The following N4BP2L2 variants were observed in gnomAD, a reference collection of about 807,000 sequenced individuals.
N4BP2L2 encodes NEDD4-binding protein 2-like 2.
A neutral mutation model predicts 56.2 loss-of-function variants in N4BP2L2; 50 were observed. The ratio of observed to expected loss-of-function variants is 0.89; its 90% CI spans 0.71 to 1.13. The LOEUF is 1.13. N4BP2L2 is among the 50% of genes most tolerant of loss of function. The pLI is 0.00. For missense variants in N4BP2L2, 689 were observed against 693.8 expected (o/e 0.99, Z 0.08); for synonymous variants, 203 against 223.6 (o/e 0.91, Z 0.82).
At chr13:32,495,671 C>A (rs1361329253) in intron 6 of N4BP2L2, among the ~76,000 whole-genome samples, 1 of 152,084 alleles carries the variant, frequency 6.6e-6, no homozygotes, top group African/African-American at 2.4e-5. Flanking sequence ...GGCACCTCAT[C>A]AGGCAAATGC....
chr13:32,459,788 T>G (rs2079674760), intron 6 of N4BP2L2, among the ~76,000 whole-genome samples: 1 of 152,114 alleles, frequency 6.6e-6, no homozygotes, highest in East Asian at 1.9e-4. Flanking sequence ...AGGAGGGAAT[T>G]GTCCTTACCT....
chr13:32,505,395 T>C (rs2090770732), downstream of N4BP2L2: 1 of 152,190 alleles, frequency 6.6e-6, no homozygotes, highest in South Asian at 2.1e-4. Context: ...TAGGAAATGG[T>C]TGTCTTGCAA....
intron 2 of N4BP2L2, among the ~76,000 whole-genome samples, chr13:32,534,025 G>A (rs1184479014): frequency 3.3e-5 from 5 of 152,086 alleles, no homozygotes; most frequent in Admixed American, 2.0e-4. Flanking sequence ...TAATTTTATT[G>A]CTAGTTTGAG....
At chr13:32,460,978 T>C (rs1476200571) in intron 6 of N4BP2L2, among the ~76,000 whole-genome samples, 2 of 152,170 alleles carry the variant, frequency 1.3e-5, no homozygotes, top group African/African-American at 4.8e-5. Context: ...AGCCAAATGA[T>C]TTTTGACAAT....
chr13:32,535,950 A>G, exon 2 of N4BP2L2: 17 of 1,614,062 alleles, frequency 1.1e-5, no homozygotes, highest in Non-Finnish European at 1.4e-5. Context: ...TTACTCACAT[A>G]TCGATCTTGC....
intron 6 of N4BP2L2, among the ~76,000 whole-genome samples, chr13:32,455,252 A>G (rs1390273462): frequency 1.3e-5 from 2 of 152,186 alleles, no homozygotes; most frequent in Non-Finnish European, 2.9e-5. Flanking sequence ...ACTCTAGCAC[A>G]TATAGTGTGC....
At chr13:32,485,300 T>C (rs1367451139) in intron 6 of N4BP2L2, among the ~76,000 whole-genome samples, 1 of 152,200 alleles carries the variant, frequency 6.6e-6, no homozygotes, top group Non-Finnish European at 1.5e-5. Flanking sequence ...TTTTAAAAGA[T>C]GTTCAGAACT....
chr13:32,444,096 C>A, exon 7 of N4BP2L2: 2 of 1,537,894 alleles, frequency 1.3e-6, no homozygotes, highest in Non-Finnish European at 8.8e-7. Flanking sequence ...TTTTGCTGAG[C>A]CTATGCCCAG....
At chr13:32,456,303 G>T (rs1158503571) in intron 6 of N4BP2L2, among the ~76,000 whole-genome samples, 1 of 152,098 alleles carries the variant, frequency 6.6e-6, no homozygotes, top group African/African-American at 2.4e-5. Context: ...TATGGAAACT[G>T]CATGACTTCA....
At chr13:32,473,460 A>G (rs2138980677) in intron 6 of N4BP2L2, among the ~76,000 whole-genome samples, 1 of 152,358 alleles carries the variant, frequency 6.6e-6, no homozygotes, top group Non-Finnish European at 1.5e-5. Context: ...TATAAAAAAC[A>G]GTGTATTCAT....
intron 7 of N4BP2L2, among the ~76,000 whole-genome samples, chr13:32,439,311 G>A (rs2075910807): frequency 1.3e-5 from 2 of 152,190 alleles, no homozygotes; most frequent in Admixed American, 1.3e-4. Context: ...TAGAAGGTAA[G>A]CTAGTTGATG....
chr13:32,443,774 TAGAG>T lies in N4BP2L2; in HGVS notation c.714_717del (p.Ser239ArgfsTer8). 4.4e-6 allele frequency: 7 copies of T among 1,579,406 alleles called. No homozygotes were observed. The highest frequency in any genetic ancestry group is 1.2e-5 in the South Asian group (1 of 83,976). ...CTTACAAACAAGTTATCACCTTCCT[TAGAG>T]AGGTAATTCTTTGGTGTGTTGTCTA... is the stretch of plus-strand genomic sequence containing the variant. On this transcript the variant is annotated frameshift_variant, in exon 7 of 10. Coordinates refer to the N4BP2L2 transcript ENST00000357505. LOFTEE classifies it high-confidence loss of function.
At chr13:32,436,785 CAAAAAAAAAAA>C (rs1174354861) in intron 8 of N4BP2L2, among the ~76,000 whole-genome samples, 2 of 44,970 alleles carry the variant, frequency 4.4e-5, no homozygotes, top group Admixed American at 3.7e-4. Context: ...GTGTGACTGT[CAAAAAAAAAAA>C]AAAAAAAAAA....
At position 32,438,573 on chromosome 13, in the gene N4BP2L2, T is replaced by C. The variant is rs1443778799; in HGVS notation, c.2190+79A>G. ...AAGATCACGCCATTGCACTCCAGCC[T>C]GGGCAACAAGAATGAAACTCCGTCT... On this transcript the variant is annotated intron_variant, in intron 8 of 9. Coordinates refer to the N4BP2L2 transcript ENST00000357505. The C allele has an allele frequency of 3.2e-5, 38 of 1,179,740 alleles. No homozygotes were observed. The Middle Eastern group carries it at 5.8e-4, about 18-fold the overall frequency. The allele number at this position is 1,179,740 out of a possible 1,614,324, so 73.1% of individuals were successfully genotyped here.
At chr13:32,518,192 A>G (rs1001246687) in intron 5 of N4BP2L2, among the ~76,000 whole-genome samples, 189 bp from the exon 6 acceptor site, 1 of 152,214 alleles carries the variant, frequency 6.6e-6, no homozygotes, top group African/African-American at 2.4e-5. Context: ...TATTTTAAAA[A>G]GGTATAAAGA....
At position 32,521,507 on chromosome 13, in the gene N4BP2L2, G is replaced by T. The variant is rs2050901596; in HGVS notation, c.1474-58C>A. The T allele has an allele frequency of 3.3e-5, 40 of 1,194,572 alleles. 2 individuals are homozygous for T. In the South Asian group the frequency reaches 5.1e-4, roughly 15 times the overall value. 74.0% of individuals were successfully genotyped at this position (1,194,572 alleles called of 1,614,324 possible). A position where few individuals can be genotyped will look rare whatever the true frequency, so the allele number is the denominator to read the frequency against. ...AGAGAAGTACTTCTTAAAGTAAAAA[G>T]AAGGCAGACAGTTAAATTTCATTTC... On this transcript the variant is annotated intron_variant, in intron 4 of 5. Transcript: ENST00000267068.
At chr13:32,532,594 T>TC (rs1229238409) in intron 2 of N4BP2L2, among the ~76,000 whole-genome samples, 1 of 147,690 alleles carries the variant, frequency 6.8e-6, no homozygotes, top group African/African-American at 2.5e-5. Context: ...TTTTTTCTTT[T>TC]TTTTTTTTTT....
At chr13:32,435,231 T>C (rs1422344598) in intron 9 of N4BP2L2, among the ~76,000 whole-genome samples, 1 of 152,054 alleles carries the variant, frequency 6.6e-6, no homozygotes, top group South Asian at 2.1e-4. Flanking sequence ...TCAATAAACA[T>C]TTGCTGAATA....
chr13:32,472,517 G>A (rs563571681), intron 6 of N4BP2L2, among the ~76,000 whole-genome samples: 5 of 152,256 alleles, frequency 3.3e-5, no homozygotes, highest in South Asian at 2.1e-4. Context: ...AGGAAGGCAC[G>A]TTCATCACCT....
Sources: gnomAD v4.1 joint callset for allele counts (sites outside exome capture counted in the v4.1 genomes callset) on GRCh38, gnomAD v4.1.1 for gene constraint, MANE v1.5 for transcripts, NCBI Gene and HGNC (gene_info 2026-07-23, HGNC 2026-07-21) for gene names.